PDE11A: variants seen among roughly 807,000 people sequenced by gnomAD.
PDE11A encodes the protein phosphodiesterase 11A, also known as dual 3',5'-cyclic-AMP and -GMP phosphodiesterase 11A.
Under a neutral mutation model 100.5 loss-of-function variants are expected in PDE11A, and 100 were observed. The ratio of observed to expected loss-of-function variants is 1.00; its 90% confidence interval spans 0.85 to 1.18. PDE11A has a LOEUF of 1.18. PDE11A is among the 50% of genes most tolerant of loss of function. The probability of loss-of-function intolerance (pLI) is 0.00; values close to 1 mark genes in which losing one functional copy is unlikely to be tolerated. For synonymous variants in PDE11A, 381 were observed against 420.8 expected, an observed-to-expected ratio of 0.91 and a Z score of 1.16; for missense variants, 1,141 against 1,152.6, an observed-to-expected ratio of 0.99 and a Z score of 0.15.
intron 2 of PDE11A, among the ~76,000 whole-genome samples, chr2:177,925,650 C>G (rs559274307): frequency 5.1e-4 from 77 of 152,224 alleles, no homozygotes; most frequent in African/African-American, 1.7e-3. Context: ...CAATCACTTA[C>G]CAAAGGAAAA....
intron 2 of PDE11A, among the ~76,000 whole-genome samples, chr2:177,911,062 T>G (rs2084874252): frequency 6.6e-6 from 1 of 152,190 alleles, no homozygotes; most frequent in Non-Finnish European, 1.5e-5. Context: ...CTCCTCCCTT[T>G]GTGTAGATTC....
intron 5 of PDE11A, among the ~76,000 whole-genome samples, chr2:177,865,291 A>G (rs2084009377): frequency 1.3e-5 from 2 of 152,176 alleles, no homozygotes; most frequent in South Asian, 4.1e-4. Flanking sequence ...CATCCCCCAA[A>G]AAAACAAAAA....
At chr2:177,819,727 A>C (rs1225558799) in intron 7 of PDE11A, among the ~76,000 whole-genome samples, 1 of 152,018 alleles carries the variant, frequency 6.6e-6, no homozygotes, top group Non-Finnish European at 1.5e-5. Flanking sequence ...CCTTTACACC[A>C]TGTATAAAAA....
intron 14 of PDE11A, 30 bp from the exon 15 acceptor site, chr2:177,697,462 G>T (rs1288003292): frequency 2.9e-6 from 3 of 1,050,088 alleles, no homozygotes; most frequent in Non-Finnish European, 4.5e-6. Flanking sequence ...AGTCACAAAA[G>T]ACATTAAATC....
intron 1 of PDE11A, among the ~76,000 whole-genome samples, chr2:178,056,057 G>T (rs1363147052): frequency 6.6e-6 from 1 of 152,164 alleles, no homozygotes; most frequent in African/African-American, 2.4e-5. Flanking sequence ...CAGCTACACG[G>T]TTGATAAAGT....
rs115171497 is a variant in PDE11A at position 177,897,562 on chromosome 2, A to G, written c.1302+496T>C. Among the ~76,000 whole-genome samples, 1,209 of 152,322 alleles carry G rather than the reference A, an allele frequency of 7.9e-3. 19 individuals are homozygous for G. The highest frequency in any genetic ancestry group is 0.027 in the African/African-American group (1,119 of 41,578). On this transcript the variant is annotated intron_variant, in intron 4 of 19. Transcript: ENST00000286063. Reference sequence around the variant, plus strand: ...GGGCCCAGCTTCGGTTGGCCATTCCATTCTGCTCGAGTCCAGTTTGTCTGG... The same window carrying G: ...GGGCCCAGCTTCGGTTGGCCATTCCGTTCTGCTCGAGTCCAGTTTGTCTGG...
chr2:177,913,595 G>T (rs1299169767), intron 2 of PDE11A, among the ~76,000 whole-genome samples: 2 of 152,136 alleles, frequency 1.3e-5, no homozygotes, highest in Non-Finnish European at 2.9e-5. Context: ...TATGGCTACA[G>T]TCACACAATA....
At chr2:178,067,572 T>C (rs566940256) in intron 1 of PDE11A, among the ~76,000 whole-genome samples, 69 of 152,300 alleles carry the variant, frequency 4.5e-4, no homozygotes, top group Admixed American at 3.4e-3. Flanking sequence ...TATCTCTAAC[T>C]GGAAAATCTA....
intron 19 of PDE11A, among the ~76,000 whole-genome samples, chr2:177,658,428 T>C (rs954026897): frequency 2.0e-5 from 3 of 151,978 alleles, no homozygotes; most frequent in Non-Finnish European, 4.4e-5. Flanking sequence ...CTTCCTTCCT[T>C]GCTTCTGTCT....
chr2:178,095,342 C>T (rs147882101), intron 2 of PDE11A, among the ~76,000 whole-genome samples: 72 of 152,004 alleles, frequency 4.7e-4, no homozygotes, highest in African/African-American at 1.5e-3. Flanking sequence ...AAATCCAGCA[C>T]GGCAGTCAAA....
Position 177,845,429 on chromosome 2 carries a change from G to A in PDE11A, c.1368-5046C>T, listed in dbSNP as rs1390889027. ...CAGAGGCGCTCCCCACATCTCAGAC[G>A]ATGGGCGGCCGGGCAGAGACGCTCC... On this transcript the variant is annotated intron_variant, in intron 5 of 19. Coordinates refer to ENST00000286063, the MANE Select transcript of PDE11A (RefSeq NM_016953.4). Among the ~76,000 whole-genome samples the A allele has an allele frequency of 4.0e-5, 6 of 150,672 alleles. No homozygotes were observed. In the East Asian group the frequency reaches 9.9e-4, roughly 25 times the overall value.
intron 10 of PDE11A, among the ~76,000 whole-genome samples, chr2:177,749,193 T>TTTG (rs2081994012): frequency 2.0e-5 from 3 of 149,750 alleles, no homozygotes; most frequent in African/African-American, 4.9e-5. Flanking sequence ...AATACAGGAG[T>TTTG]TTTGTTTGTT....
chr2:177,695,143 A>T (rs987450053), intron 15 of PDE11A, among the ~76,000 whole-genome samples: 2 of 151,668 alleles, frequency 1.3e-5, no homozygotes, highest in South Asian at 2.1e-4. Context: ...TATAATTGCT[A>T]GATAAAATAA....
At chr2:177,922,300 C>T (rs555841921) in intron 2 of PDE11A, among the ~76,000 whole-genome samples, 1 of 152,280 alleles carries the variant, frequency 6.6e-6, no homozygotes, top group African/African-American at 2.4e-5. Context: ...ACCTCAAATA[C>T]TTTATGTCCA....
intron 1 of PDE11A, among the ~76,000 whole-genome samples, chr2:178,023,472 C>A (rs1352985287): frequency 6.6e-6 from 1 of 152,146 alleles, no homozygotes; most frequent in Non-Finnish European, 1.5e-5. Flanking sequence ...AGATGGGTTG[C>A]CTAAGATCTC....
At chr2:177,990,346 T>G (rs1490242644) in intron 2 of PDE11A, among the ~76,000 whole-genome samples, 2 of 152,166 alleles carry the variant, frequency 1.3e-5, no homozygotes, top group Non-Finnish European at 2.9e-5. Flanking sequence ...TTTTTGCCTT[T>G]TAATAATGTG....
rs1301148885 is a variant in PDE11A, at chr2:177,763,078, C to A, written c.1788+6245G>T. Among the ~76,000 whole-genome samples the A allele has an allele frequency of 2.0e-5, 3 of 152,150 alleles. No homozygotes were observed. The East Asian group carries it at 5.8e-4, about 29-fold the overall frequency. On this transcript the variant is annotated intron_variant, in intron 10 of 19. Coordinates refer to ENST00000286063, the MANE Select transcript of PDE11A (RefSeq NM_016953.4). ...TCATACAGACAGCCGGACATTTGAA[C>A]GCGAAGCACTCCGCATATTTATGGA...
At position 177,631,322 on chromosome 2, in the gene PDE11A, A is replaced by AAAAAAAAAAAAAAAAAAAC. The variant is rs1469522170; in HGVS notation, c.2647-1761_2647-1760insGTTTTTTTTTTTTTTTTTT. Among the ~76,000 whole-genome samples the AAAAAAAAAAAAAAAAAAAC allele has an allele frequency of 1.2e-3, 20 of 16,884 alleles. 2 individuals are homozygous for AAAAAAAAAAAAAAAAAAAC. The highest frequency in any genetic ancestry group is 1.8e-3 in the African/African-American group (20 of 10,840). The allele number at this position is 16,884 out of a possible 152,430, so 11.1% of individuals were successfully genotyped here. On this transcript the variant is annotated intron_variant, in intron 19 of 19. Transcript: ENST00000286063. ...AAAAAAAAAAAAAACAAAAAAAAAA[A>AAAAAAAAAAAAAAAAAAAC]CAACCTAGGCGTGGTGGCACATGCC...
At chr2:177,879,946 T>C (rs918912842) in intron 4 of PDE11A, among the ~76,000 whole-genome samples, 1 of 152,188 alleles carries the variant, frequency 6.6e-6, no homozygotes, top group Non-Finnish European at 1.5e-5. Context: ...AAACTTTTAT[T>C]TGTTTTGTTT....
Sources: gnomAD v4.1 joint callset for allele counts (sites outside exome capture counted in the v4.1 genomes callset) on GRCh38, gnomAD v4.1.1 for gene constraint, MANE v1.5 for transcripts, NCBI Gene and HGNC (gene_info 2026-07-23, HGNC 2026-07-21) for gene names.